Variants in CORO2B observed in about 807,000 individuals in gnomAD.
CORO2B encodes the protein coronin-2B.
Under a neutral mutation model 58.8 loss-of-function variants are expected in CORO2B, and 26 were observed. That is an observed-to-expected ratio of 0.44 (90% confidence interval 0.32 to 0.61). CORO2B has a LOEUF of 0.61. Among genes scored for constraint, CORO2B ranks in the 20% least tolerant of loss-of-function variants. The pLI is 0.04. For synonymous variants in CORO2B, 242 were observed against 253.8 expected (o/e 0.95, Z 0.44); for missense variants, 460 against 645.1 (o/e 0.71, Z 3.11).
chr15:68,597,403 A>G (rs1443079837), intron 1 of CORO2B, among the ~76,000 whole-genome samples: 1 of 152,146 alleles, frequency 6.6e-6, no homozygotes, highest in African/African-American at 2.4e-5. Context: ...TTCAATACCT[A>G]GGAAGCACAG....
the CORO2B span, among the ~76,000 whole-genome samples, chr15:68,553,188 G>A: frequency 6.6e-6 from 1 of 152,198 alleles, no homozygotes; most frequent in Non-Finnish European, 1.5e-5. Context: ...CCATGTTTGG[G>A]AGAAAGAGGG....
intron 1 of CORO2B, among the ~76,000 whole-genome samples, chr15:68,607,338 G>T (rs1179332342): frequency 6.6e-6 from 1 of 152,160 alleles, no homozygotes; most frequent in Non-Finnish European, 1.5e-5. Flanking sequence ...CTTCCTCATG[G>T]CATGGCCGCC....
intron 1 of CORO2B, among the ~76,000 whole-genome samples, chr15:68,632,701 G>T (rs1389653972): frequency 6.6e-6 from 1 of 152,090 alleles, no homozygotes; most frequent in Non-Finnish European, 1.5e-5. Flanking sequence ...AGTGATTCTC[G>T]TACCTCAGCC....
chr15:68,565,974 C>T, the CORO2B span, among the ~76,000 whole-genome samples: 53 of 152,296 alleles, frequency 3.5e-4, no homozygotes, highest in Non-Finnish European at 5.9e-4. Flanking sequence ...TTGGTGCTAA[C>T]GAATTCCCGC....
At chr15:68,693,049 A>C (rs1480406690) in intron 2 of CORO2B, among the ~76,000 whole-genome samples, 1 of 152,180 alleles carries the variant, frequency 6.6e-6, no homozygotes, top group Non-Finnish European at 1.5e-5. Flanking sequence ...ACGCTCTCCA[A>C]ATCCTTTTTC....
At chr15:68,681,573 A>G (rs1272864368) in intron 2 of CORO2B, among the ~76,000 whole-genome samples, 1 of 152,162 alleles carries the variant, frequency 6.6e-6, no homozygotes, top group African/African-American at 2.4e-5. Flanking sequence ...ATCACATTTA[A>G]AATTGGGTCT....
chr15:68,545,777 C>G, the CORO2B span, among the ~76,000 whole-genome samples: 1 of 152,168 alleles, frequency 6.6e-6, no homozygotes. Flanking sequence ...ATGAGGCATG[C>G]CTGGGAGGCT....
intron 1 of CORO2B, among the ~76,000 whole-genome samples, chr15:68,641,133 C>G (rs575712537): frequency 6.6e-6 from 1 of 152,276 alleles, no homozygotes; most frequent in African/African-American, 2.4e-5. Flanking sequence ...GAGGCCAGCC[C>G]AGGCTTGCTG....
upstream of CORO2B, among the ~76,000 whole-genome samples, chr15:68,574,893 G>A (rs1005092384): frequency 1.3e-5 from 2 of 152,186 alleles, no homozygotes; most frequent in South Asian, 2.1e-4. Flanking sequence ...GGGCCCCAGA[G>A]GCCCAGGAAA....
At chr15:68,643,187 T>C (rs1224162765) in intron 1 of CORO2B, among the ~76,000 whole-genome samples, 1 of 152,182 alleles carries the variant, frequency 6.6e-6, no homozygotes, top group Admixed American at 6.5e-5. Context: ...TCTGTAACCA[T>C]GTAAAGGACC....
chr15:68,577,625 G>A (rs1476646661), upstream of CORO2B, among the ~76,000 whole-genome samples: 1 of 151,018 alleles, frequency 6.6e-6, no homozygotes, highest in Admixed American at 6.6e-5. Context: ...GGGGGCTGAG[G>A]CAGAAGAATC....
At chr15:68,587,292 G>A (rs1899592524) in intron 1 of CORO2B, among the ~76,000 whole-genome samples, 1 of 152,128 alleles carries the variant, frequency 6.6e-6, no homozygotes, top group African/African-American at 2.4e-5. Flanking sequence ...TGGTGTTCAT[G>A]CCACAGGCTT....
intron 11 of CORO2B, among the ~76,000 whole-genome samples, chr15:68,721,796 G>T (rs1429137383): frequency 6.6e-6 from 1 of 152,104 alleles, no homozygotes; most frequent in Non-Finnish European, 1.5e-5. Context: ...CTCCCAGACT[G>T]CAGTGCTGTG....
At chr15:68,533,404 C>A in the CORO2B span, among the ~76,000 whole-genome samples, 1 of 152,138 alleles carries the variant, frequency 6.6e-6, no homozygotes, top group Non-Finnish European at 1.5e-5. Context: ...AAAAGGTTTG[C>A]AGCTTAAACA....
the CORO2B span, among the ~76,000 whole-genome samples, chr15:68,556,433 G>A: frequency 6.6e-6 from 1 of 152,206 alleles, no homozygotes; most frequent in Non-Finnish European, 1.5e-5. Flanking sequence ...TGACATAAAT[G>A]TGAGTCTATG....
At chr15:68,614,193 A>G (rs1226381985) in intron 1 of CORO2B, among the ~76,000 whole-genome samples, 1 of 152,226 alleles carries the variant, frequency 6.6e-6, no homozygotes, top group Non-Finnish European at 1.5e-5. Flanking sequence ...TTAATGTGTT[A>G]TCAGGGTGGT....
At chr15:68,606,775 A>G (rs142032133) in intron 1 of CORO2B, among the ~76,000 whole-genome samples, 2 of 152,218 alleles carry the variant, frequency 1.3e-5, no homozygotes, top group East Asian at 3.9e-4. Flanking sequence ...TTCCTCTGAT[A>G]TCTTTGGTCA....
the CORO2B span, among the ~76,000 whole-genome samples, chr15:68,554,187 T>C: frequency 6.6e-6 from 1 of 152,098 alleles, no homozygotes; most frequent in Non-Finnish European, 1.5e-5. Flanking sequence ...AGATTTTGGC[T>C]TTGCCAGTAG....
At chr15:68,662,582 G>A (rs1232786694) in intron 2 of CORO2B, among the ~76,000 whole-genome samples, 1 of 152,208 alleles carries the variant, frequency 6.6e-6, no homozygotes, top group Non-Finnish European at 1.5e-5. Flanking sequence ...ATTTATTGGA[G>A]AGATGAATTG....
Sources: gnomAD v4.1 joint callset for allele counts (sites outside exome capture counted in the v4.1 genomes callset) on GRCh38, gnomAD v4.1.1 for gene constraint, MANE v1.5 for transcripts, NCBI Gene and HGNC (gene_info 2026-07-23, HGNC 2026-07-21) for gene names.